The following GRIK2 variants were observed in gnomAD, a reference collection of about 807,000 sequenced individuals.
The protein encoded by GRIK2 is glutamate ionotropic receptor kainate type subunit 2, also known as glutamate receptor ionotropic, kainate 2.
A neutral mutation model predicts 100.3 loss-of-function variants in GRIK2; 32 were observed. The observed-to-expected ratio is 0.32, with a 90% CI of 0.24 to 0.43. The LOEUF is 0.43. GRIK2 is among the 20% of genes least tolerant of loss of function. GRIK2 has a pLI of 1.00. For missense variants in GRIK2, 843 were observed against 1,114.9 expected, an observed-to-expected ratio of 0.76 and a Z score of 3.47; for synonymous variants, 417 against 389.4, an observed-to-expected ratio of 1.07 and a Z score of -0.83.
chr6:101,497,346 C>G (rs1031600769), intron 2 of GRIK2, among the ~76,000 whole-genome samples: 1 of 152,156 alleles, frequency 6.6e-6, no homozygotes, highest in Admixed American at 6.6e-5. Flanking sequence ...GTGTTTAATA[C>G]GTGCCATAGT....
chr6:101,820,302 T>C (rs541493997), intron 10 of GRIK2, among the ~76,000 whole-genome samples: 2 of 152,216 alleles, frequency 1.3e-5, no homozygotes, highest in African/African-American at 4.8e-5. Flanking sequence ...GCAATGATCA[T>C]AGGATCAATA....
At chr6:102,039,057 C>T (rs1487567070) in intron 15 of GRIK2, among the ~76,000 whole-genome samples, 1 of 151,202 alleles carries the variant, frequency 6.6e-6, no homozygotes, top group African/African-American at 2.4e-5. Flanking sequence ...GCCCCATTTT[C>T]CCCCAAATTC....
chr6:101,815,147 T>A (rs1781558673), intron 9 of GRIK2, among the ~76,000 whole-genome samples: 1 of 152,090 alleles, frequency 6.6e-6, no homozygotes, highest in Non-Finnish European at 1.5e-5. Flanking sequence ...AACAAGGCTA[T>A]GATGGAAACT....
At chr6:102,024,046 T>C (rs555264301) in intron 14 of GRIK2, among the ~76,000 whole-genome samples, 2 of 151,106 alleles carry the variant, frequency 1.3e-5, no homozygotes, top group African/African-American at 4.8e-5. Flanking sequence ...GCAGGAAAGT[T>C]GAGTAATTCA....
intron 11 of GRIK2, among the ~76,000 whole-genome samples, chr6:101,877,723 A>T (rs1785955895): frequency 6.6e-6 from 1 of 151,988 alleles, no homozygotes; most frequent in African/African-American, 2.4e-5. Flanking sequence ...ATTAACTTTG[A>T]TAACTTAGCA....
intron 1 of GRIK2, among the ~76,000 whole-genome samples, chr6:101,397,442 G>C (rs1775055519): frequency 6.6e-6 from 1 of 152,094 alleles, no homozygotes; most frequent in African/African-American, 2.4e-5. Flanking sequence ...TCCTTTTAAG[G>C]TGCTCGAACA....
intron 14 of GRIK2, among the ~76,000 whole-genome samples, chr6:101,955,576 TTCTCTCTCTCTCTCTC>T (rs60603807): frequency 4.0e-4 from 47 of 116,338 alleles, no homozygotes; most frequent in South Asian, 1.1e-3. Flanking sequence ...GAGCAAGGCC[TTCTCTCTCTCTCTCTC>T]TCTCTCTCTC....
chr6:101,887,360 G>A (rs1417181), intron 11 of GRIK2, among the ~76,000 whole-genome samples: 104,032 of 151,894 alleles, frequency 0.68, 37,734 homozygotes, highest in East Asian at 0.92. Context: ...TAGCATATTC[G>A]CTTATATGGT....
intron 10 of GRIK2, among the ~76,000 whole-genome samples, chr6:101,826,797 G>T (rs528143049): frequency 6.6e-6 from 1 of 151,852 alleles, no homozygotes; most frequent in East Asian, 1.9e-4. Flanking sequence ...AAAAAATGAC[G>T]TTTTTTCTTA....
intron 2 of GRIK2, among the ~76,000 whole-genome samples, chr6:101,595,563 G>A (rs1212196679): frequency 6.6e-6 from 1 of 151,274 alleles, no homozygotes; most frequent in African/African-American, 2.4e-5. Context: ...TTGAATGTAA[G>A]AATAGGGATT....
intron 14 of GRIK2, among the ~76,000 whole-genome samples, chr6:101,934,039 C>T (rs1193822636): frequency 6.6e-6 from 1 of 151,516 alleles, no homozygotes; most frequent in Admixed American, 6.6e-5. Context: ...TACAGCCTTC[C>T]TCTGCAAAGT....
At chr6:101,930,858 G>T (rs1197620837) in intron 14 of GRIK2, among the ~76,000 whole-genome samples, 1 of 151,852 alleles carries the variant, frequency 6.6e-6, no homozygotes, top group Non-Finnish European at 1.5e-5. Flanking sequence ...AAACACGAGT[G>T]CCTCTAGCAC....
chr6:101,819,731 T>G (rs2128422597), intron 10 of GRIK2, among the ~76,000 whole-genome samples: 1 of 152,308 alleles, frequency 6.6e-6, no homozygotes, highest in African/African-American at 2.4e-5. Flanking sequence ...CTGTTGGGAC[T>G]ATTGCAGTAG....
intron 14 of GRIK2, among the ~76,000 whole-genome samples, chr6:101,953,533 T>G (rs1014085782): frequency 5.3e-5 from 8 of 152,246 alleles, no homozygotes; most frequent in Admixed American, 3.9e-4. Flanking sequence ...GCATCTTTTA[T>G]GTGCTTATTC....
At chr6:101,972,934 T>G (rs773273357) in intron 14 of GRIK2, among the ~76,000 whole-genome samples, 3 of 151,998 alleles carry the variant, frequency 2.0e-5, no homozygotes, top group Non-Finnish European at 2.9e-5. Flanking sequence ...TACCATGCTG[T>G]TTTGATTATT....
intron 11 of GRIK2, among the ~76,000 whole-genome samples, chr6:101,883,011 T>A (rs1323166411): frequency 2.0e-5 from 3 of 151,280 alleles, no homozygotes; most frequent in African/African-American, 4.9e-5. Context: ...TCTCATTTTT[T>A]AAAATTATTT....
At chr6:101,774,816 C>G (rs1227555690) in intron 7 of GRIK2, among the ~76,000 whole-genome samples, 3 of 151,844 alleles carry the variant, frequency 2.0e-5, no homozygotes, top group African/African-American at 7.3e-5. Flanking sequence ...GCAGTAAAAA[C>G]AAATAGGATT....
chr6:101,853,127 C>T (rs562417366), intron 10 of GRIK2, among the ~76,000 whole-genome samples: 3 of 152,256 alleles, frequency 2.0e-5, no homozygotes, highest in African/African-American at 7.2e-5. Flanking sequence ...GACGATATTA[C>T]GATGTAGAAA....
At chr6:101,755,755 T>A (rs1202144265) in intron 7 of GRIK2, among the ~76,000 whole-genome samples, 1 of 152,202 alleles carries the variant, frequency 6.6e-6, no homozygotes, top group Non-Finnish European at 1.5e-5. Flanking sequence ...TGCAGCACTA[T>A]AGTAACATTA....
Sources: gnomAD v4.1 joint callset for allele counts (sites outside exome capture counted in the v4.1 genomes callset) on GRCh38, gnomAD v4.1.1 for gene constraint, MANE v1.5 for transcripts, NCBI Gene and HGNC (gene_info 2026-07-23, HGNC 2026-07-21) for gene names.